The following CA10 variants were observed in gnomAD, a reference collection of about 807,000 sequenced individuals.
CA10 encodes carbonic anhydrase 10 (inactive).
CA10 carries 14 observed loss-of-function variants against 44.2 expected under a neutral mutation model. The ratio of observed to expected loss-of-function variants is 0.32; its 90% CI spans 0.21 to 0.50. The LOEUF is 0.50. CA10 is among the 20% of genes least tolerant of loss of function. The pLI is 0.99. For missense variants in CA10, 350 were observed against 409.7 expected (o/e 0.85, Z 1.26); for synonymous variants, 159 against 141.6 (o/e 1.12, Z -0.87).
rs532492969 is a variant in CA10, at chr17:52,012,442, G to A, written c.136+59877C>T. ...ACACTGTCTCCTATTATTTGAAATG[G>A]TAGAAGCTGAGTCTAGGTCACATGG... On this transcript the variant is annotated intron_variant, in intron 2 of 8. Transcript: ENST00000451037. 5.9e-5 allele frequency among the ~76,000 whole-genome samples: 9 copies of A among 152,076 alleles called. No homozygotes were observed. The East Asian group carries it at 1.7e-3, about 30-fold the overall frequency.
chr17:51,942,797 G>C lies in CA10; in HGVS notation c.137-11665C>G, dbSNP rs549264075. Among the ~76,000 whole-genome samples, 3 of 152,190 alleles carry C rather than the reference G, an allele frequency of 2.0e-5. No individual in the cohort carries two copies. The South Asian group carries it at 6.2e-4, about 32-fold the overall frequency. ...ACAACAGAATTTAGTGCACAGCAAT[G>C]TAAGGATGATGTTACTCTAGACCTG... On this transcript the variant is annotated intron_variant, in intron 2 of 8. Transcript: ENST00000451037.
At chr17:52,141,589 T>C (rs993311590) in intron 1 of CA10, among the ~76,000 whole-genome samples, 2 of 152,162 alleles carry the variant, frequency 1.3e-5, no homozygotes, top group African/African-American at 4.8e-5. Context: ...GCTGCTGCTG[T>C]GATGTAAAAG....
chr17:51,649,166 A>G lies in CA10; in HGVS notation c.634+16T>C. The G allele has an allele frequency of 1.3e-6, 2 of 1,597,258 alleles. No individual in the cohort carries two copies. Among genetic ancestry groups the G allele is most frequent in the Non-Finnish European group, 1.7e-6 (2 of 1,164,740 alleles). ...TTATAGAATAGTTGCTGTGGAGGAA[A>G]TTGAACCAAACTTACTTTTATATGT... On this transcript the variant is annotated intron_variant, in intron 6 of 8. Transcript: ENST00000451037.
chr17:51,704,628 A>G (rs1334981304), intron 4 of CA10, among the ~76,000 whole-genome samples: 2 of 152,072 alleles, frequency 1.3e-5, no homozygotes, highest in African/African-American at 4.8e-5. Context: ...TTGCCCATCC[A>G]CTCTATCTTC....
chr17:51,678,987 T>C (rs1914727341), intron 4 of CA10, among the ~76,000 whole-genome samples: 1 of 152,190 alleles, frequency 6.6e-6, no homozygotes, highest in Non-Finnish European at 1.5e-5. Flanking sequence ...ACTTAAGCTT[T>C]CTCCGTTCAT....
chr17:51,883,973 C>G (rs934755581), intron 3 of CA10, among the ~76,000 whole-genome samples: 1 of 152,118 alleles, frequency 6.6e-6, no homozygotes, highest in South Asian at 2.1e-4. Context: ...TTATATTTTT[C>G]TGCAAAATGA....
intron 3 of CA10, among the ~76,000 whole-genome samples, chr17:51,808,263 G>T (rs1385602655): frequency 1.3e-5 from 2 of 152,076 alleles, no homozygotes; most frequent in Admixed American, 1.3e-4. Context: ...ATTTTGTATT[G>T]CAATAAATGT....
chr17:52,048,369 A>G (rs901586868), intron 2 of CA10, among the ~76,000 whole-genome samples: 2 of 152,020 alleles, frequency 1.3e-5, no homozygotes, highest in Admixed American at 6.6e-5. Flanking sequence ...TTTATCAAGT[A>G]CATAAATACT....
chr17:52,108,872 T>C (rs1036739006), intron 1 of CA10, among the ~76,000 whole-genome samples: 1 of 152,100 alleles, frequency 6.6e-6, no homozygotes. Context: ...CTTACCCATG[T>C]AATCAAACAC....
chr17:52,047,702 A>C (rs887521739), intron 2 of CA10, among the ~76,000 whole-genome samples: 1 of 151,986 alleles, frequency 6.6e-6, no homozygotes, highest in Non-Finnish European at 1.5e-5. Context: ...TTTTTCTTCT[A>C]TAGTTATGAG....
chr17:51,700,179 G>A (rs553812749), intron 4 of CA10, among the ~76,000 whole-genome samples: 7 of 152,266 alleles, frequency 4.6e-5, no homozygotes, highest in South Asian at 4.2e-4. Context: ...TGAATGTCCC[G>A]GTCAGTGAAG....
At chr17:51,682,397 T>C (rs1466725975) in intron 4 of CA10, among the ~76,000 whole-genome samples, 8 of 152,172 alleles carry the variant, frequency 5.3e-5, no homozygotes, top group African/African-American at 1.9e-4. Context: ...GGGATGTGGT[T>C]TGGTTGACAA....
Position 52,094,331 on chromosome 17 carries a change from G to A in CA10, c.62-21938C>T, listed in dbSNP as rs74315879. Among the ~76,000 whole-genome samples the A allele has an allele frequency of 6.1e-5, 8 of 130,548 alleles. No homozygotes were observed. In the South Asian group the frequency reaches 7.2e-4, roughly 12 times the overall value. 85.6% of individuals were successfully genotyped at this position (130,548 alleles called of 152,430 possible). A position where few individuals can be genotyped will look rare whatever the true frequency, so the allele number is the denominator to read the frequency against. The stretch of plus-strand genomic sequence containing the variant: ...AAATGTATAAAGCAAAAAAAAAAAA[G>A]ATTATGTCCTTAAAATTGTGTCACA... On this transcript the variant is annotated intron_variant, in intron 1 of 8. Transcript: ENST00000451037.
intron 3 of CA10, among the ~76,000 whole-genome samples, chr17:51,796,969 A>G (rs892417369): frequency 1.3e-5 from 2 of 152,082 alleles, no homozygotes; most frequent in African/African-American, 4.8e-5. Context: ...TTCAGTCATT[A>G]TTCTCATCTT....
intron 1 of CA10, among the ~76,000 whole-genome samples, chr17:52,077,599 G>T (rs1987850444): frequency 6.9e-6 from 1 of 145,230 alleles, no homozygotes; most frequent in African/African-American, 2.6e-5. Context: ...TTGTTATCCA[G>T]TTCTGTTTCT....
chr17:52,131,877 G>A (rs1443346577), intron 1 of CA10, among the ~76,000 whole-genome samples: 1 of 152,040 alleles, frequency 6.6e-6, no homozygotes, highest in Admixed American at 6.6e-5. Context: ...GGATGAAATT[G>A]GAAATCATCA....
rs112612084 is a variant in CA10, at chr17:52,040,623, C to T, written c.136+31696G>A. ...GAAAGAAGAGAAACAAACAAGATGA[C>T]CCTTATAAATGGCCCAGAGCATCAT... On this transcript the variant is annotated intron_variant, in intron 2 of 8. Transcript: ENST00000451037. Among the ~76,000 whole-genome samples, 741 of 152,098 alleles carry T rather than the reference C, an allele frequency of 4.9e-3. 3 individuals carry two copies. Among genetic ancestry groups the T allele is most frequent in the African/African-American group, 0.017 (696 of 41,510 alleles).
chr17:51,924,474 G>T (rs1441146627), intron 3 of CA10, among the ~76,000 whole-genome samples: 1 of 152,190 alleles, frequency 6.6e-6, no homozygotes, highest in Non-Finnish European at 1.5e-5. Context: ...GGGAAATGTG[G>T]AAACTTCCAT....
At chr17:51,665,118 AG>A (rs1914161354) in intron 4 of CA10, among the ~76,000 whole-genome samples, 1 of 152,186 alleles carries the variant, frequency 6.6e-6, no homozygotes, top group Non-Finnish European at 1.5e-5. Flanking sequence ...TAGATAACAG[AG>A]GAGGGTTTTC....
Sources: allele counts gnomAD v4.1 joint callset (sites outside exome capture counted in the v4.1 genomes callset), GRCh38; gene constraint gnomAD v4.1.1; transcripts MANE v1.5; gene names NCBI Gene and HGNC (gene_info 2026-07-23, HGNC 2026-07-21).